The following CBR4 variants were observed in gnomAD, a reference collection of about 807,000 sequenced individuals.
The protein encoded by CBR4 is carbonyl reductase 4.
CBR4 carries 22 observed loss-of-function variants against 21.0 expected under a neutral mutation model. The ratio of observed to expected loss-of-function variants is 1.05; its 90% CI spans 0.75 to 1.50. The LOEUF (loss-of-function observed/expected upper bound fraction) is 1.50, where lower values mean the gene tolerates loss of function less well. Ranked by LOEUF, CBR4 falls within the 40% of genes most tolerant of loss-of-function variation. The pLI is 0.00. For missense variants in CBR4, 302 were observed against 286.3 expected (o/e 1.05, Z -0.40); for synonymous variants, 100 against 104.4 (o/e 0.96, Z 0.26).
chr4:168,955,532 T>G (rs1469134211), intron 2 of CBR4, among the ~76,000 whole-genome samples: 1 of 152,192 alleles, frequency 6.6e-6, no homozygotes, highest in African/African-American at 2.4e-5. Context: ...CTACTATAGT[T>G]TTCTCTTTCA....
At chr4:168,978,701 A>T (rs1216463301) in intron 2 of CBR4, among the ~76,000 whole-genome samples, 1 of 152,156 alleles carries the variant, frequency 6.6e-6, no homozygotes, top group Non-Finnish European at 1.5e-5. Flanking sequence ...GGGTCTTGGA[A>T]CCGTGAGCAC....
At chr4:168,961,205 C>T (rs1763841698) in intron 2 of CBR4, among the ~76,000 whole-genome samples, 1 of 152,166 alleles carries the variant, frequency 6.6e-6, no homozygotes, top group African/African-American at 2.4e-5. Context: ...GAATACCTTG[C>T]TCAGTTGCAG....
chr4:168,911,929 G>A (rs1759048842), intron 2 of CBR4, among the ~76,000 whole-genome samples: 1 of 152,034 alleles, frequency 6.6e-6, no homozygotes, highest in Non-Finnish European at 1.5e-5. Context: ...TCTTTGTGAT[G>A]ACCTCTCTTT....
intron 2 of CBR4, among the ~76,000 whole-genome samples, chr4:168,935,581 G>A (rs928861163): frequency 2.0e-5 from 3 of 152,150 alleles, no homozygotes; most frequent in Non-Finnish European, 4.4e-5. Context: ...TGAGGGAGGG[G>A]TGTCTGCCAT....
At chr4:168,969,485 T>C (rs1420070942) in intron 2 of CBR4, among the ~76,000 whole-genome samples, 9 of 152,160 alleles carry the variant, frequency 5.9e-5, no homozygotes. Flanking sequence ...CTAGACCCAG[T>C]ATAATCACAT....
In CBR4 at chr4:168,911,030, G is replaced by A. The variant is rs140395849; in HGVS notation, n.170-16265C>T. 1.9e-3 allele frequency among the ~76,000 whole-genome samples: 292 copies of A among 152,222 alleles called. 1 individual carries two copies. Among genetic ancestry groups the A allele is most frequent in the African/African-American group, 6.9e-3 (286 of 41,522 alleles). On this transcript the variant is annotated intron_variant and non_coding_transcript_variant, in intron 2 of 3. Coordinates refer to the CBR4 transcript ENST00000509108. ...CATGATAACACAGTACCAGCTATGA[G>A]GAATTTAATAATGATAATTTATGAT...
chr4:168,939,415 C>T (rs1763200442), intron 2 of CBR4, among the ~76,000 whole-genome samples: 1 of 152,126 alleles, frequency 6.6e-6, no homozygotes, highest in South Asian at 2.1e-4. Context: ...TCTCACCACT[C>T]CAATTCAACA....
At chr4:168,991,490 C>T (rs533887553) in intron 4 of CBR4, among the ~76,000 whole-genome samples, 44 of 152,206 alleles carry the variant, frequency 2.9e-4, no homozygotes, top group African/African-American at 8.9e-4. Flanking sequence ...TAAAATCTTA[C>T]GGTCATATCC....
At chr4:168,913,294 G>A (rs1759411353) in intron 2 of CBR4, among the ~76,000 whole-genome samples, 1 of 151,786 alleles carries the variant, frequency 6.6e-6, no homozygotes, top group Non-Finnish European at 1.5e-5. Context: ...ATGCCACCAC[G>A]CCCGGCTAAT....
At chr4:168,953,273 C>A (rs909480511) in intron 2 of CBR4, among the ~76,000 whole-genome samples, 1 of 152,290 alleles carries the variant, frequency 6.6e-6, no homozygotes, top group African/African-American at 2.4e-5. Context: ...CGTGCCCCCC[C>A]GCAAAAGCAC....
intron 2 of CBR4, among the ~76,000 whole-genome samples, chr4:168,930,202 A>T (rs372527951): frequency 3.9e-5 from 6 of 152,324 alleles, no homozygotes; most frequent in African/African-American, 1.2e-4. Flanking sequence ...ATAATTACTT[A>T]AAAATAATTT....
At chr4:168,951,602 G>A (rs1763542789) in intron 2 of CBR4, among the ~76,000 whole-genome samples, 1 of 152,170 alleles carries the variant, frequency 6.6e-6, no homozygotes, top group Non-Finnish European at 1.5e-5. Context: ...TCTTGTAGTG[G>A]TGGCTTGGTA....
chr4:168,973,647 T>C (rs1764281690), intron 2 of CBR4, among the ~76,000 whole-genome samples: 1 of 152,226 alleles, frequency 6.6e-6, no homozygotes, highest in South Asian at 2.1e-4. Context: ...CTTTGAATGT[T>C]GATAGAATTC....
chr4:168,924,814 A>G (rs1762262997), intron 2 of CBR4: 2 of 878,012 alleles, frequency 2.3e-6, no homozygotes, highest in African/African-American at 1.6e-5. Flanking sequence ...TAATCTCTAC[A>G]GAATAAGTAT....
At chr4:168,966,554 G>C (rs1482260048) in intron 2 of CBR4, among the ~76,000 whole-genome samples, 2 of 151,912 alleles carry the variant, frequency 1.3e-5, no homozygotes, top group African/African-American at 4.8e-5. Flanking sequence ...AAAAAGCCAG[G>C]AAACAGATGC....
At chr4:168,904,679 A>G (rs1415188492) in intron 2 of CBR4, among the ~76,000 whole-genome samples, 4 of 151,484 alleles carry the variant, frequency 2.6e-5, no homozygotes, top group South Asian at 2.1e-4. Flanking sequence ...TTTTAAAAAG[A>G]AAAAAAAAGG....
At chr4:169,009,155 T>C (rs1017451005) in intron 1 of CBR4, 7 of 416,716 alleles carry the variant, frequency 1.7e-5, no homozygotes, top group Non-Finnish European at 3.2e-5. Flanking sequence ...TGATAGTAAA[T>C]GAAGTATAAT....
intron 2 of CBR4, among the ~76,000 whole-genome samples, chr4:168,967,422 G>A (rs576771464): frequency 1.3e-5 from 2 of 152,230 alleles, no homozygotes; most frequent in East Asian, 1.9e-4. Context: ...GAGTTGATGC[G>A]TCCAGCAAAC....
chr4:168,923,784 G>C (rs1362474934), intron 2 of CBR4, among the ~76,000 whole-genome samples: 1 of 152,120 alleles, frequency 6.6e-6, no homozygotes, highest in Non-Finnish European at 1.5e-5. Context: ...TCTCACTTAA[G>C]AGTTACAAAT....
Sources: gnomAD v4.1 joint callset for allele counts (sites outside exome capture counted in the v4.1 genomes callset) on GRCh38, gnomAD v4.1.1 for gene constraint, MANE v1.5 for transcripts, NCBI Gene and HGNC (gene_info 2026-07-23, HGNC 2026-07-21) for gene names.